The following TENM3 variants were observed in gnomAD, a reference collection of about 807,000 sequenced individuals.
TENM3 encodes the protein teneurin-3.
TENM3 carries 63 observed loss-of-function variants against 255.1 expected under a neutral mutation model. That is an observed-to-expected ratio of 0.25 (90% CI 0.20 to 0.30). TENM3 has a LOEUF of 0.30. Ranked by LOEUF, TENM3 falls within the 10% of genes least tolerant of loss-of-function variation. The pLI is 1.00. For synonymous variants in TENM3, 1,306 were observed against 1,322.3 expected (o/e 0.99, Z 0.27); for missense variants, 2,929 against 3,461.1 (o/e 0.85, Z 3.86).
the TENM3 span, among the ~76,000 whole-genome samples, chr4:181,553,320 GTA>G: frequency 0.18 from 20,234 of 115,552 alleles, 1,623 homozygotes; most frequent in Middle Eastern, 0.32. Context: ...ATGTGTATGC[GTA>G]TATATATATA....
At chr4:181,673,535 T>C in the TENM3 span, among the ~76,000 whole-genome samples, 95,752 of 151,920 alleles carry the variant, frequency 0.63, 30,892 homozygotes, top group African/African-American at 0.75. Flanking sequence ...TAACATGATA[T>C]CCAGAGCTCA....
At chr4:182,175,320 T>A (rs1579604427) in intron 1 of TENM3, among the ~76,000 whole-genome samples, 2 of 117,792 alleles carry the variant, frequency 1.7e-5, no homozygotes, top group African/African-American at 6.8e-5. Context: ...AAAAAATATA[T>A]ATATATATAT....
chr4:182,009,282 T>G, the TENM3 span, among the ~76,000 whole-genome samples: 1 of 152,138 alleles, frequency 6.6e-6, no homozygotes, highest in Admixed American at 6.5e-5. Context: ...TGTGTTTCGC[T>G]GGAGGGAAAC....
chr4:182,185,022 G>T (rs912015096), intron 1 of TENM3, among the ~76,000 whole-genome samples: 3 of 151,926 alleles, frequency 2.0e-5, no homozygotes, highest in Non-Finnish European at 4.4e-5. Context: ...GGTGGAGGTT[G>T]CAGTGAGCCG....
At chr4:182,690,963 A>T (rs1756965284) in intron 12 of TENM3, among the ~76,000 whole-genome samples, 1 of 152,244 alleles carries the variant, frequency 6.6e-6, no homozygotes, top group South Asian at 2.1e-4. Context: ...TTTACAAATA[A>T]ATCTTAGATG....
intron 12 of TENM3, among the ~76,000 whole-genome samples, chr4:182,690,772 C>A (rs1407535178): frequency 6.6e-6 from 1 of 152,134 alleles, no homozygotes; most frequent in African/African-American, 2.4e-5. Flanking sequence ...ATGAGCTGTT[C>A]TTGAACAAAT....
intron 1 of TENM3, among the ~76,000 whole-genome samples, chr4:182,317,310 G>GT (rs1187786688): frequency 6.6e-6 from 1 of 151,994 alleles, no homozygotes; most frequent in Non-Finnish European, 1.5e-5. Flanking sequence ...TTTGTGGGGT[G>GT]TTTTTTCGAG....
chr4:182,310,929 C>T (rs1223281346), intron 1 of TENM3, among the ~76,000 whole-genome samples: 13 of 152,100 alleles, frequency 8.5e-5, no homozygotes, highest in Non-Finnish European at 1.6e-4. Flanking sequence ...AGGCTGGTCT[C>T]GAACTCCTGA....
chr4:181,814,856 A>G, the TENM3 span, among the ~76,000 whole-genome samples: 1 of 152,138 alleles, frequency 6.6e-6, no homozygotes, highest in South Asian at 2.1e-4. Context: ...TTAATATATA[A>G]AGAACCAAAG....
chr4:181,693,812 G>A, the TENM3 span, among the ~76,000 whole-genome samples: 4 of 152,140 alleles, frequency 2.6e-5, no homozygotes, highest in African/African-American at 9.7e-5. Flanking sequence ...GATAAGAATA[G>A]CCTTGCATGT....
the TENM3 span, among the ~76,000 whole-genome samples, chr4:181,750,151 G>A: frequency 2.0e-5 from 3 of 152,238 alleles, no homozygotes; most frequent in Middle Eastern, 3.4e-3. Flanking sequence ...TTCCAGCCAC[G>A]AAACTTGGGT....
At chr4:182,296,936 G>C (rs962817165) in intron 1 of TENM3, among the ~76,000 whole-genome samples, 1 of 152,028 alleles carries the variant, frequency 6.6e-6, no homozygotes, top group Admixed American at 6.6e-5. Context: ...CCATTGATTC[G>C]GAAGGGAAAG....
intron 13 of TENM3, among the ~76,000 whole-genome samples, chr4:182,724,891 A>G (rs548685024): frequency 6.6e-6 from 1 of 152,328 alleles, no homozygotes; most frequent in East Asian, 1.9e-4. Flanking sequence ...TTGTGTTGTT[A>G]TTCTCCCAAG....
At chr4:182,430,768 T>G (rs1771568040) in intron 3 of TENM3, among the ~76,000 whole-genome samples, 1 of 152,096 alleles carries the variant, frequency 6.6e-6, no homozygotes. Flanking sequence ...ATCCCAGCAC[T>G]GCAGGAGCCG....
the TENM3 span, among the ~76,000 whole-genome samples, chr4:181,711,378 AGAGT>A: frequency 1.3e-5 from 2 of 152,216 alleles, no homozygotes; most frequent in African/African-American, 4.8e-5. Flanking sequence ...CTGAAAAGAT[AGAGT>A]GAGTCAGAAC....
chr4:182,541,977 C>T (rs1740928486), intron 3 of TENM3, among the ~76,000 whole-genome samples: 1 of 151,936 alleles, frequency 6.6e-6, no homozygotes, highest in Admixed American at 6.6e-5. Context: ...GTGGGAGGAT[C>T]GCTTGAGCCC....
chr4:181,550,561 T>C, the TENM3 span, among the ~76,000 whole-genome samples: 46,553 of 152,018 alleles, frequency 0.31, 7,609 homozygotes, highest in African/African-American at 0.42. Context: ...CTGACACTGA[T>C]GCACTGATAT....
chr4:181,945,285 T>C, the TENM3 span, among the ~76,000 whole-genome samples: 1 of 151,998 alleles, frequency 6.6e-6, no homozygotes, highest in Non-Finnish European at 1.5e-5. Flanking sequence ...AGGGTAAAAC[T>C]GCCTGAGAAT....
the TENM3 span, among the ~76,000 whole-genome samples, chr4:181,783,456 A>T: frequency 1.3e-5 from 2 of 152,078 alleles, no homozygotes; most frequent in Admixed American, 1.3e-4. Context: ...TTCATTGTCA[A>T]ATCTGCTTGA....
Sources: gnomAD v4.1 joint callset for allele counts (sites outside exome capture counted in the v4.1 genomes callset) on GRCh38, gnomAD v4.1.1 for gene constraint, MANE v1.5 for transcripts, NCBI Gene and HGNC (gene_info 2026-07-23, HGNC 2026-07-21) for gene names.